Variants in SUPT3H observed in about 807,000 individuals in gnomAD.
The protein encoded by SUPT3H is SPT3 homolog, SAGA and STAGA complex component, also known as transcription initiation protein SPT3 homolog.
In SUPT3H, 44 loss-of-function variants were observed where a neutral mutation model predicts 44.3. The ratio of observed to expected loss-of-function variants is 0.99; its 90% CI spans 0.78 to 1.28. The LOEUF (loss-of-function observed/expected upper bound fraction) is 1.28, where lower values mean the gene tolerates loss of function less well. Among genes scored for constraint, SUPT3H ranks in the 50% most tolerant of loss-of-function variants. The pLI is 0.00. For synonymous variants in SUPT3H, 124 were observed against 125.6 expected (o/e 0.99, Z 0.09); for missense variants, 380 against 387.1 (o/e 0.98, Z 0.15).
At chr6:45,245,469 G>C (rs1771175069) in intron 2 of SUPT3H, among the ~76,000 whole-genome samples, 1 of 151,888 alleles carries the variant, frequency 6.6e-6, no homozygotes, top group African/African-American at 2.4e-5. Context: ...TCTAGCGCCT[G>C]GTAATCTACT....
chr6:44,984,806 CA>C lies in SUPT3H; in HGVS notation c.504+18846del, dbSNP rs1412756920. Among the ~76,000 whole-genome samples the C allele has an allele frequency of 4.6e-5, 7 of 152,076 alleles. 1 individual carries two copies. The highest frequency in any genetic ancestry group is 1.0e-4 in the Non-Finnish European group (7 of 68,028). On this transcript the variant is annotated intron_variant, in intron 6 of 10. Transcript: ENST00000371459. ...TTAACCATCAGGGCATTGCCAGAAA[CA>C]TAAACATAAATTACATAAAGGCCAA...
intron 6 of SUPT3H, among the ~76,000 whole-genome samples, chr6:44,990,115 T>C (rs1434989213): frequency 6.6e-6 from 1 of 152,032 alleles, no homozygotes. Flanking sequence ...CTCCTAGGAG[T>C]TTTACACTTT....
At chr6:45,230,006 C>A (rs1767656612) in intron 2 of SUPT3H, among the ~76,000 whole-genome samples, 1 of 152,144 alleles carries the variant, frequency 6.6e-6, no homozygotes, top group African/African-American at 2.4e-5. Flanking sequence ...TACCCTGTCT[C>A]TGGTATCTAT....
At chr6:44,950,179 A>G (rs1350533533) in intron 9 of SUPT3H, among the ~76,000 whole-genome samples, 1 of 152,162 alleles carries the variant, frequency 6.6e-6, no homozygotes. Context: ...TCATCCCAGC[A>G]GTTACTACAA....
chr6:45,231,828 T>C (rs1581777), intron 2 of SUPT3H, among the ~76,000 whole-genome samples: 95,135 of 151,994 alleles, frequency 0.63, 30,576 homozygotes, highest in African/African-American at 0.78. Flanking sequence ...ACAAAAGATG[T>C]GTCTTCAAGT....
At chr6:45,171,146 T>C (rs1810700838) in intron 2 of SUPT3H, among the ~76,000 whole-genome samples, 1 of 152,214 alleles carries the variant, frequency 6.6e-6, no homozygotes, top group South Asian at 2.1e-4. Context: ...CTACTAACTG[T>C]CCAAATTTCT....
chr6:44,895,095 C>A (rs1763915851), intron 10 of SUPT3H, among the ~76,000 whole-genome samples: 1 of 151,910 alleles, frequency 6.6e-6, no homozygotes, highest in African/African-American at 2.4e-5. Flanking sequence ...TTTTTTTCCT[C>A]AGTTTAGATT....
At chr6:45,374,246 C>T (rs536138741) in intron 1 of SUPT3H, among the ~76,000 whole-genome samples, 1 of 152,272 alleles carries the variant, frequency 6.6e-6, no homozygotes, top group East Asian at 1.9e-4. Context: ...TTCACCAACC[C>T]ACATAACATC....
At chr6:45,107,731 G>C (rs1799478038) in intron 2 of SUPT3H, among the ~76,000 whole-genome samples, 1 of 152,050 alleles carries the variant, frequency 6.6e-6, no homozygotes, top group African/African-American at 2.4e-5. Context: ...ACATATCAAG[G>C]ACCATAAATT....
intron 3 of SUPT3H, among the ~76,000 whole-genome samples, chr6:45,058,971 T>C (rs1029098500): frequency 6.6e-6 from 1 of 152,152 alleles, no homozygotes; most frequent in African/African-American, 2.4e-5. Flanking sequence ...ATTTAAGCAC[T>C]TTGTACCTTT....
intron 2 of SUPT3H, among the ~76,000 whole-genome samples, chr6:45,148,777 T>C (rs1806483622): frequency 6.6e-6 from 1 of 152,190 alleles, no homozygotes; most frequent in Admixed American, 6.6e-5. Context: ...ACACTTATGA[T>C]ATTTTTTAAA....
At chr6:45,263,622 T>A (rs2153658630) in intron 2 of SUPT3H, among the ~76,000 whole-genome samples, 1 of 152,206 alleles carries the variant, frequency 6.6e-6, no homozygotes, top group African/African-American at 2.4e-5. Context: ...CATGCACCCC[T>A]GAATCTAAAA....
chr6:45,263,177 G>A (rs1035250914), intron 2 of SUPT3H, among the ~76,000 whole-genome samples: 2 of 152,016 alleles, frequency 1.3e-5, no homozygotes, highest in Non-Finnish European at 2.9e-5. Context: ...GATAGACACT[G>A]GCACACATAT....
At chr6:44,881,121 T>C (rs896435878) in intron 10 of SUPT3H, among the ~76,000 whole-genome samples, 20 of 152,014 alleles carry the variant, frequency 1.3e-4, no homozygotes, top group Non-Finnish European at 2.1e-4. Flanking sequence ...ATAAGACCCA[T>C]TGGTGTGGTG....
At chr6:45,218,716 A>C (rs1765498762) in intron 2 of SUPT3H, among the ~76,000 whole-genome samples, 1 of 152,234 alleles carries the variant, frequency 6.6e-6, no homozygotes. Context: ...CCTGGACAAC[A>C]GGAGCAAAAC....
At chr6:45,185,720 C>A (rs1814094465) in intron 2 of SUPT3H, among the ~76,000 whole-genome samples, 1 of 152,222 alleles carries the variant, frequency 6.6e-6, no homozygotes, top group African/African-American at 2.4e-5. Flanking sequence ...GGGGCTACCC[C>A]AGTTTTTGTG....
intron 3 of SUPT3H, among the ~76,000 whole-genome samples, chr6:45,079,167 A>T (rs1393985428): frequency 6.6e-6 from 1 of 152,098 alleles, no homozygotes; most frequent in Admixed American, 6.6e-5. Context: ...AAAATTAGCC[A>T]GGCGTGGCAG....
chr6:45,371,878 T>G, intron 1 of SUPT3H: 2 of 972,370 alleles, frequency 2.1e-6, no homozygotes, highest in Non-Finnish European at 2.4e-6. Flanking sequence ...TCCAAATCCC[T>G]CATTTTTCAG....
chr6:45,248,514 G>A (rs1339564244), intron 2 of SUPT3H, among the ~76,000 whole-genome samples: 1 of 152,146 alleles, frequency 6.6e-6, no homozygotes, highest in East Asian at 1.9e-4. Flanking sequence ...ACTAGGAAAT[G>A]CAAAAGAAAA....
Sources: gnomAD v4.1 joint callset for allele counts (sites outside exome capture counted in the v4.1 genomes callset) on GRCh38, gnomAD v4.1.1 for gene constraint, MANE v1.5 for transcripts, NCBI Gene and HGNC (gene_info 2026-07-23, HGNC 2026-07-21) for gene names.